Variants in DHX34 observed in about 807,000 individuals in gnomAD.
DHX34 encodes the protein DExH-box helicase 34.
DHX34 carries 96 observed loss-of-function variants against 111.1 expected under a neutral mutation model. That is an observed-to-expected ratio of 0.86 (90% CI 0.73 to 1.02). The LOEUF (loss-of-function observed/expected upper bound fraction) is 1.02. Among genes scored for constraint, DHX34 ranks in the 50% least tolerant of loss-of-function variants. DHX34 has a pLI of 0.00. For synonymous variants in DHX34, 688 were observed against 670.4 expected (o/e 1.03, Z -0.41); for missense variants, 1,560 against 1,579.9 (o/e 0.99, Z 0.21).
intron 7 of DHX34, among the ~76,000 whole-genome samples, chr19:47,372,188 C>T (rs1969984079): frequency 6.6e-6 from 1 of 151,820 alleles, no homozygotes; most frequent in Non-Finnish European, 1.5e-5. Context: ...GCCTTCTGTC[C>T]CCTCTTCCTC....
At position 47,379,928 on chromosome 19, in the gene DHX34, C is replaced by T; in HGVS notation, c.2925C>T (p.Val975=). The T allele has an allele frequency of 6.2e-7, 1 of 1,611,606 alleles. No homozygotes were observed. The highest frequency in any genetic ancestry group is 8.5e-7 in the Non-Finnish European group (1 of 1,178,170). The change falls in exon 14 of 17, where the codon GTC becomes GTT. Residue 975 remains valine, a synonymous_variant. Coordinates refer to ENST00000328771, the MANE Select transcript of DHX34 (RefSeq NM_014681.6). ...AGGAGGAGGAGGAGGATACGCCAGT[C>T]AGCCCCAAGGAGGTGGCCACCCTGA... is the stretch of plus-strand genomic sequence containing the variant. ...QLEEEEEDTP[V]SPKEVATLSK...
In DHX34 at chr19:47,380,884, C is replaced by A. The variant is rs1970331391; in HGVS notation, c.3051C>A (p.Ile1017=). The A allele has an allele frequency of 6.2e-7, 1 of 1,613,812 alleles. No individual in the cohort carries two copies. The highest frequency in any genetic ancestry group is 1.3e-5 in the African/African-American group (1 of 74,894). ...ACATGTATGTGGGACCCCAGACCAT[C>A]CCAGCCACCCCCCATCTTCCTGGCC... ...VQNMYVGPQT[I]PATPHLPGLF... is the part of the protein sequence containing the mutation. The change falls in exon 15 of 17, where the codon ATC becomes ATA. Residue 1017 remains isoleucine, a synonymous_variant. Coordinates refer to ENST00000328771, the MANE Select transcript of DHX34 (RefSeq NM_014681.6).
intron 13 of DHX34, among the ~76,000 whole-genome samples, chr19:47,379,149 A>G (rs1381837201): frequency 6.7e-6 from 1 of 149,996 alleles, no homozygotes; most frequent in Non-Finnish European, 1.5e-5. Context: ...TAAATTAATA[A>G]TAATAATAAT....
intron 6 of DHX34, among the ~76,000 whole-genome samples, chr19:47,363,416 C>T (rs1969695000): frequency 6.6e-6 from 1 of 152,060 alleles, no homozygotes; most frequent in African/African-American, 2.4e-5. Flanking sequence ...ACATAGGACC[C>T]AACCCCAGAG....
At chr19:47,357,000 GT>G (rs906390373) in intron 3 of DHX34, among the ~76,000 whole-genome samples, 1 of 151,760 alleles carries the variant, frequency 6.6e-6, no homozygotes. Flanking sequence ...TTTGTTTTTT[GT>G]TTTTTTTAGT....
chr19:47,373,783 C>T (rs1385975507), intron 9 of DHX34, 83 bp downstream of exon 9: 17 of 1,511,508 alleles, frequency 1.1e-5, no homozygotes, highest in Admixed American at 9.9e-5. Context: ...TTCCCCTTCC[C>T]AGACAGTGGT....
Position 47,357,867 on chromosome 19 carries a change from T to G in DHX34, c.1019T>G (p.Val340Gly). 1 of 1,612,000 alleles carries G rather than the reference T, an allele frequency of 6.2e-7. No homozygotes were observed. Residue 340 changes from valine (V) to glycine (G), a missense_variant and splice_region_variant, in exon 4 of 17, where the codon GTT becomes GGT. Coordinates refer to ENST00000328771, the MANE Select transcript of DHX34 (RefSeq NM_014681.6). ...QVPGRLFPIT[V>G]VYQPQEAEPT... is the part of the protein sequence containing the mutation. ...CTACCTGGGGCTGTCTCCTCTCAGG[T>G]TGTGTACCAGCCGCAGGAGGCGGAG...
In DHX34 at chr19:47,357,967, C is replaced by A. The variant is rs756452016; in HGVS notation, c.1119C>A (p.Tyr373Ter). 1 of 1,614,032 alleles carries A rather than the reference C, an allele frequency of 6.2e-7. No homozygotes were observed. The highest frequency in any genetic ancestry group is 8.5e-7 in the Non-Finnish European group (1 of 1,180,050). The change falls in exon 4 of 17, where the codon TAC (tyrosine) becomes TAA (stop). Residue 373 changes from tyrosine to a stop codon, truncating the protein, a stop_gained. Coordinates refer to ENST00000328771, the MANE Select transcript of DHX34 (RefSeq NM_014681.6). LOFTEE classifies it high-confidence loss of function. ...LRVLESIDHKYPPEERGDLLV... is the reference protein window; with the variant it reads ...LRVLESIDHK ...TGCTGGAGTCCATTGACCACAAGTA[C>A]CCGCCTGAGGAGCGGGGTGACCTCC...
chr19:47,375,892 C>T (rs1267991194), intron 10 of DHX34, 32 bp from the exon 11 acceptor site: 1 of 1,582,692 alleles, frequency 6.3e-7, no homozygotes, highest in Non-Finnish European at 8.5e-7. Flanking sequence ...CCTCAGGTCC[C>T]CTAAGACTCT....
rs111770072 is a variant in DHX34 at position 47,382,212 on chromosome 19, C to A, written c.*99C>A. 5 of 1,526,058 alleles carry A rather than the reference C, an allele frequency of 3.3e-6. No individual in the cohort carries two copies. Among genetic ancestry groups the A allele is most frequent in the African/African-American group, 2.8e-5 (2 of 72,222 alleles). The allele number at this position is 1,526,058 out of a possible 1,614,324, so 94.5% of individuals were successfully genotyped here. On this transcript the variant is annotated 3_prime_UTR_variant, in exon 17 of 17. Coordinates refer to ENST00000328771, the MANE Select transcript of DHX34 (RefSeq NM_014681.6). ...GCCTGAACCCCCAGCCTGGGCTTAG[C>A]CCTGTGGTCCTGTCCCAGTGCAGAG...
rs1969357996 is a variant in DHX34 at position 47,353,546 on chromosome 19, G to A, written c.516G>A (p.Leu172=). 1.2e-6 allele frequency: 2 copies of A among 1,613,286 alleles called. No individual in the cohort carries two copies. The highest frequency in any genetic ancestry group is 1.3e-5 in the African/African-American group (1 of 74,944). Reference sequence around the variant, plus strand: ...TCGCCCAGTATGGGAACCGCATCCTGCAGACGCTGAAGGAGCACCAGGTGG... The same window carrying A: ...TCGCCCAGTATGGGAACCGCATCCTACAGACGCTGAAGGAGCACCAGGTGG... ...LPIAQYGNRI[L]QTLKEHQVVV... Residue 172 remains leucine (L), a synonymous_variant, in exon 2 of 17, where the codon CTG becomes CTA. Coordinates refer to ENST00000328771, the MANE Select transcript of DHX34 (RefSeq NM_014681.6). The surrounding 1 kb of genome is among the most constrained non-coding windows in gnomAD (Gnocchi z 4.6).
At chr19:47,358,197 C>T in intron 4 of DHX34, 77 bp downstream of exon 4, 4 of 1,531,746 alleles carry the variant, frequency 2.6e-6, no homozygotes, top group Non-Finnish European at 3.5e-6. Context: ...ACTTGTGTAA[C>T]TCCACAAACA....
At chr19:47,373,789 G>A in intron 9 of DHX34, 89 bp downstream of exon 9, 1 of 1,492,852 alleles carries the variant, frequency 6.7e-7, no homozygotes, top group Non-Finnish European at 9.0e-7. Context: ...TTCCCAGACA[G>A]TGGTCAGACC....
intron 1 of DHX34, among the ~76,000 whole-genome samples, chr19:47,349,868 A>G (rs1240844182): frequency 1.3e-5 from 2 of 152,176 alleles, no homozygotes; most frequent in Non-Finnish European, 2.9e-5. Context: ...TGAAATAGGA[A>G]GAACCCCACA....
In DHX34 at chr19:47,371,128, G is replaced by A. The variant is rs557797738; in HGVS notation, c.1769-1602G>A. On this transcript the variant is annotated intron_variant, in intron 7 of 16. Coordinates refer to ENST00000328771, the MANE Select transcript of DHX34 (RefSeq NM_014681.6). ...CCTGCTGAGGGCAGGGCCTCTGATCGCCCCCAGTGTGTAGATGGGGAAACT... is the reference window on the plus strand; with the variant it reads ...CCTGCTGAGGGCAGGGCCTCTGATCACCCCCAGTGTGTAGATGGGGAAACT... Among the ~76,000 whole-genome samples the A allele has an allele frequency of 4.9e-4, 74 of 152,276 alleles. No individual in the cohort carries two copies. The Middle Eastern group carries it at 0.01, about 21-fold the overall frequency.
chr19:47,377,779 C>T lies in DHX34; in HGVS notation c.2706+573C>T, dbSNP rs565827914. 8.9e-4 allele frequency among the ~76,000 whole-genome samples: 135 copies of T among 151,858 alleles called. 3 individuals carry two copies. Among genetic ancestry groups the T allele is most frequent in the Admixed American group, 8.4e-3 (128 of 15,292 alleles). On this transcript the variant is annotated intron_variant, in intron 13 of 16. Transcript: ENST00000328771. ...GACTTCTCAGAGCTGGGACAGGGTCCCAGCCAGGAGGGCTGGCAGCTGCCA... is the reference window on the plus strand; with the variant it reads ...GACTTCTCAGAGCTGGGACAGGGTCTCAGCCAGGAGGGCTGGCAGCTGCCA...
At position 47,367,101 on chromosome 19, in the gene DHX34, G is replaced by A; in HGVS notation, c.1714G>A (p.Ala572Thr). 6.3e-7 allele frequency: 1 copy of A among 1,597,638 alleles called. No homozygotes were observed. Among genetic ancestry groups the A allele is most frequent in the Non-Finnish European group, 8.5e-7 (1 of 1,171,960 alleles). The change falls in exon 7 of 17, where the codon GCC becomes ACC. Residue 572 changes from alanine (A) to threonine (T), a missense_variant. Physicochemically the swap from Ala to Thr is moderately conservative, Grantham distance 58. Coordinates refer to ENST00000328771, the MANE Select transcript of DHX34 (RefSeq NM_014681.6). The stretch of plus-strand genomic sequence containing the variant: ...CCAGGGGGCCCTGGACAGCTCAGAG[G>A]CCCTCACACCCATTGGGTCCCTGCT... ...RDQGALDSSE[A>T]LTPIGSLLAQ... is the part of the protein sequence containing the mutation.
intron 7 of DHX34, among the ~76,000 whole-genome samples, chr19:47,368,746 C>T (rs1287126269): frequency 6.7e-6 from 1 of 150,240 alleles, no homozygotes; most frequent in Non-Finnish European, 1.5e-5. Context: ...TGGAGTCTCG[C>T]TCTGTTGCCC....
At chr19:47,378,942 C>T (rs1970258333) in intron 13 of DHX34, among the ~76,000 whole-genome samples, 1 of 151,032 alleles carries the variant, frequency 6.6e-6, no homozygotes, top group Admixed American at 6.6e-5. Flanking sequence ...CCAGCCTAGC[C>T]AATGTGGTGA....
Sources: allele counts gnomAD v4.1 joint callset (sites outside exome capture counted in the v4.1 genomes callset), GRCh38; gene constraint gnomAD v4.1.1; non-coding constraint Gnocchi (gnomAD v3.1); transcripts MANE v1.5; gene names NCBI Gene and HGNC (gene_info 2026-07-23, HGNC 2026-07-21).